The following CDH13 variants were observed in gnomAD, a reference collection of about 807,000 sequenced individuals.
CDH13 encodes cadherin-13.
A neutral mutation model predicts 63.8 loss-of-function variants in CDH13; 24 were observed. That is an observed-to-expected ratio of 0.38 (90% CI 0.27 to 0.53). The LOEUF is 0.53. CDH13 is among the 20% of genes least tolerant of loss of function. CDH13 has a pLI of 0.85. For missense variants in CDH13, 1,049 were observed against 903.1 expected (o/e 1.16, Z -2.07); for synonymous variants, 503 against 355.3 (o/e 1.42, Z -4.67).
intron 5 of CDH13, among the ~76,000 whole-genome samples, chr16:83,228,969 C>G (rs1218312605): frequency 1.3e-5 from 2 of 152,098 alleles, no homozygotes; most frequent in Admixed American, 1.3e-4. Flanking sequence ...CCAAGAAGAC[C>G]TGGGTAGTGA....
intron 7 of CDH13, among the ~76,000 whole-genome samples, chr16:83,520,733 C>T (rs1216050507): frequency 1.3e-5 from 2 of 152,108 alleles, no homozygotes; most frequent in Non-Finnish European, 2.9e-5. Context: ...GTGGCATCAT[C>T]AATTTTAGAG....
chr16:82,875,121 C>A (rs1405340616), intron 2 of CDH13, among the ~76,000 whole-genome samples: 1 of 152,186 alleles, frequency 6.6e-6, no homozygotes, highest in Non-Finnish European at 1.5e-5. Flanking sequence ...CAAGGTAGTT[C>A]TAGAATGAGT....
intron 10 of CDH13, among the ~76,000 whole-genome samples, chr16:83,707,842 A>AAAAAAAAAAAAAAAAAAAC (rs1907356170): frequency 1.2e-5 from 1 of 81,220 alleles, no homozygotes; most frequent in East Asian, 2.5e-4. Flanking sequence ...AAGGCAAAAA[A>AAAAAAAAAAAAAAAAAAAC]AAAAAAAAAA....
rs139521028 is a variant in CDH13, at chr16:83,458,375, A to C, written c.782-28102A>C. Among the ~76,000 whole-genome samples, 6 of 152,254 alleles carry C rather than the reference A, an allele frequency of 3.9e-5. No homozygotes were observed. In the East Asian group the frequency reaches 1.2e-3, roughly 29 times the overall value. On this transcript the variant is annotated intron_variant, in intron 6 of 13. Coordinates refer to ENST00000567109, the MANE Select transcript of CDH13 (RefSeq NM_001257.5). ...TTAAAATGAGCCTTCCACCTCTCCT[A>C]ATTCCTCCCCAACACTTCCCAACAT... is the stretch of plus-strand genomic sequence containing the variant.
intron 1 of CDH13, among the ~76,000 whole-genome samples, chr16:82,764,611 A>G (rs2034980119): frequency 6.6e-6 from 1 of 152,228 alleles, no homozygotes. Flanking sequence ...TAGTGAAGGC[A>G]TGATGCCTGG....
intron 7 of CDH13, among the ~76,000 whole-genome samples, chr16:83,504,625 C>T (rs2074356322): frequency 6.6e-6 from 1 of 152,070 alleles, no homozygotes; most frequent in Admixed American, 6.6e-5. Flanking sequence ...ATTCTCAGTG[C>T]CAGTGGGGCT....
intron 6 of CDH13, among the ~76,000 whole-genome samples, chr16:83,435,531 A>T (rs747420245): frequency 6.6e-6 from 1 of 151,910 alleles, no homozygotes; most frequent in Non-Finnish European, 1.5e-5. Flanking sequence ...ACTCTGTCTC[A>T]TTCCACTCTC....
In CDH13 at chr16:83,379,936, T is replaced by TAGAGAGAGAG. The variant is rs71272415; in HGVS notation, c.781+34931_781+34932insGAGAGAGAGA. ...GTGTGTGTGTATATATATATATATA[T>TAGAGAGAGAG]ATAGAGAGAGAGAGAGAGAGAGAGA... On this transcript the variant is annotated intron_variant, in intron 6 of 13. Coordinates refer to ENST00000567109, the MANE Select transcript of CDH13 (RefSeq NM_001257.5). Among the ~76,000 whole-genome samples, 729 of 91,760 alleles carry TAGAGAGAGAG rather than the reference T, an allele frequency of 7.9e-3. 2 individuals are homozygous for TAGAGAGAGAG. The highest frequency in any genetic ancestry group is 0.011 in the Non-Finnish European group (477 of 43,014). The allele number at this position is 91,760 out of a possible 152,430, so 60.2% of individuals were successfully genotyped here. A position where few individuals can be genotyped will look rare whatever the true frequency, so the allele number is the denominator to read the frequency against.
intron 6 of CDH13, among the ~76,000 whole-genome samples, chr16:83,450,181 A>G (rs2072845953): frequency 6.6e-6 from 1 of 152,224 alleles, no homozygotes; most frequent in African/African-American, 2.4e-5. Context: ...ATTCCCAGAT[A>G]GCTCCTGCAG....
chr16:82,668,226 G>T (rs1224038848), intron 1 of CDH13, among the ~76,000 whole-genome samples: 1 of 152,116 alleles, frequency 6.6e-6, no homozygotes, highest in Non-Finnish European at 1.5e-5. Flanking sequence ...GACTTTGGTT[G>T]TTCCCCGTGT....
At chr16:83,206,903 AC>A (rs11366596) in intron 4 of CDH13, among the ~76,000 whole-genome samples, 136,602 of 152,162 alleles carry the variant, frequency 0.9, 62,165 homozygotes, top group East Asian at 0.97. Context: ...GTGCATTCAA[AC>A]CACAGTAGGT....
chr16:83,683,779 T>C (rs1022432689), intron 10 of CDH13, among the ~76,000 whole-genome samples: 5 of 152,190 alleles, frequency 3.3e-5, no homozygotes, highest in African/African-American at 1.2e-4. Flanking sequence ...ATTGTTAATG[T>C]TTTTTGGCAT....
intron 13 of CDH13, among the ~76,000 whole-genome samples, chr16:83,792,478 G>T (rs1463008230): frequency 1.3e-5 from 2 of 152,206 alleles, no homozygotes; most frequent in Non-Finnish European, 2.9e-5. Context: ...TGTTGTTGTT[G>T]TTCTTGCTTT....
intron 6 of CDH13, among the ~76,000 whole-genome samples, chr16:83,386,546 A>G (rs911746672): frequency 6.6e-6 from 1 of 152,194 alleles, no homozygotes; most frequent in South Asian, 2.1e-4. Context: ...AGTTCCACCT[A>G]TACCCGGATA....
At chr16:83,472,047 T>C (rs2073467675) in intron 6 of CDH13, among the ~76,000 whole-genome samples, 1 of 152,230 alleles carries the variant, frequency 6.6e-6, no homozygotes, top group East Asian at 1.9e-4. Flanking sequence ...GCCTCTCCCG[T>C]CTTTTGATAA....
Position 83,031,220 on chromosome 16 carries a change from A to G in CDH13, c.158-790A>G, listed in dbSNP as rs577446888. On this transcript the variant is annotated intron_variant, in intron 2 of 13. Coordinates refer to ENST00000567109, the MANE Select transcript of CDH13 (RefSeq NM_001257.5). ...ACATGCGCATGTATACACCATATACATGCGCATGTATACACCATATACATG... is the reference window on the plus strand; with the variant it reads ...ACATGCGCATGTATACACCATATACGTGCGCATGTATACACCATATACATG... Among the ~76,000 whole-genome samples the G allele has an allele frequency of 1.3e-3, 196 of 146,828 alleles. 3 individuals are homozygous for G. Among genetic ancestry groups the G allele is most frequent in the African/African-American group, 4.7e-3 (189 of 40,158 alleles).
At chr16:83,429,511 G>GACACACACACAC (rs71148834) in intron 6 of CDH13, among the ~76,000 whole-genome samples, 40 of 149,096 alleles carry the variant, frequency 2.7e-4, no homozygotes, top group Admixed American at 1.5e-3. Context: ...AGACAATGAA[G>GACACACACACAC]ACACACACAC....
At chr16:82,836,837 T>C (rs918995637) in intron 1 of CDH13, among the ~76,000 whole-genome samples, 1 of 152,226 alleles carries the variant, frequency 6.6e-6, no homozygotes, top group Non-Finnish European at 1.5e-5. Context: ...AACCCACCTT[T>C]CCATTCTCCA....
At chr16:83,406,423 C>CCG (rs753419333) in intron 6 of CDH13, among the ~76,000 whole-genome samples, 2 of 151,572 alleles carry the variant, frequency 1.3e-5, no homozygotes, top group African/African-American at 2.4e-5. Flanking sequence ...TCTTTCCCCC[C>CCG]CCGCCTCTCT....
Sources: allele counts gnomAD v4.1 joint callset (sites outside exome capture counted in the v4.1 genomes callset), GRCh38; gene constraint gnomAD v4.1.1; transcripts MANE v1.5; gene names NCBI Gene and HGNC (gene_info 2026-07-23, HGNC 2026-07-21).